ASIP: variants seen among roughly 807,000 people sequenced by gnomAD.
ASIP encodes the protein agouti signaling protein, also known as agouti-signaling protein.
In ASIP, 11 loss-of-function variants were observed where a neutral mutation model predicts 10.3. The ratio of observed to expected loss-of-function variants is 1.07; its 90% CI spans 0.68 to 1.78. ASIP has a LOEUF of 1.78. ASIP is among the 40% of genes most tolerant of loss of function. The pLI is 0.00. For missense variants in ASIP, 180 were observed against 169.2 expected (o/e 1.06, Z -0.35); for synonymous variants, 70 against 70.8 (o/e 0.99, Z 0.06).
At chr20:34,253,309 T>C (rs2035511140) in intron 1 of ASIP, among the ~76,000 whole-genome samples, 1 of 151,696 alleles carries the variant, frequency 6.6e-6, no homozygotes, top group Non-Finnish European at 1.5e-5. Context: ...GGTTTCACCA[T>C]GTTAGCCAGG....
At chr20:34,239,377 T>C (rs934101550), upstream of ASIP, among the ~76,000 whole-genome samples, 5 of 152,024 alleles carry the variant, frequency 3.3e-5, no homozygotes, top group Non-Finnish European at 5.9e-5. Context: ...CCACCACACC[T>C]GGCTATTTTT....
At chr20:34,189,283 C>T in the ASIP span, among the ~76,000 whole-genome samples, 1 of 151,906 alleles carries the variant, frequency 6.6e-6, no homozygotes, top group South Asian at 2.1e-4. Context: ...GCTCTTGTTG[C>T]CCAGGCTGGA....
chr20:34,253,873 C>T (rs1312449377), intron 1 of ASIP, among the ~76,000 whole-genome samples: 1 of 152,106 alleles, frequency 6.6e-6, no homozygotes, highest in Non-Finnish European at 1.5e-5. Flanking sequence ...TTCTTTTTAT[C>T]CACCATGCTG....
upstream of ASIP, among the ~76,000 whole-genome samples, chr20:34,240,149 G>A (rs1198297393): frequency 6.6e-6 from 1 of 152,108 alleles, no homozygotes; most frequent in African/African-American, 2.4e-5. Flanking sequence ...TGGAAAGAAG[G>A]GAAAAAAAGA....
intron 1 of ASIP, among the ~76,000 whole-genome samples, chr20:34,231,513 CAG>C (rs1256736815): frequency 1.4e-4 from 22 of 152,164 alleles, no homozygotes; most frequent in Non-Finnish European, 1.5e-5. Flanking sequence ...CAATCAATAA[CAG>C]AAACATTAAA....
At chr20:34,249,814 G>T (rs762892995) in intron 1 of ASIP, among the ~76,000 whole-genome samples, 11 of 152,186 alleles carry the variant, frequency 7.2e-5, no homozygotes, top group Admixed American at 5.2e-4. Flanking sequence ...CAGGGCCAGA[G>T]AACCCATTAT....
At chr20:34,225,434 A>G (rs1397055682) in intron 1 of ASIP, among the ~76,000 whole-genome samples, 1 of 151,346 alleles carries the variant, frequency 6.6e-6, no homozygotes, top group African/African-American at 2.4e-5. Context: ...AGTACCATAC[A>G]TTAAAATTAT....
chr20:34,225,891 A>C (rs2035089316), intron 1 of ASIP, among the ~76,000 whole-genome samples: 1 of 146,000 alleles, frequency 6.8e-6, no homozygotes, highest in South Asian at 2.3e-4. Context: ...ATGTGCACCT[A>C]CTTTTTTTTT....
intron 1 of ASIP, among the ~76,000 whole-genome samples, chr20:34,201,153 T>A (rs942129654): frequency 6.6e-6 from 1 of 151,960 alleles, no homozygotes; most frequent in African/African-American, 2.4e-5. Context: ...TTGGGATATT[T>A]TTTACTTCAC....
chr20:34,191,355 A>G (rs568403525), upstream of ASIP, among the ~76,000 whole-genome samples: 135 of 152,152 alleles, frequency 8.9e-4, no homozygotes, highest in African/African-American at 3.1e-3. Context: ...CCCTTTCTCC[A>G]GGTTTCTCTA....
chr20:34,227,458 C>T (rs1181334859), intron 1 of ASIP, among the ~76,000 whole-genome samples: 1 of 151,914 alleles, frequency 6.6e-6, no homozygotes, highest in Admixed American at 6.6e-5. Context: ...TGGTGAAACC[C>T]CATCTCTACT....
In ASIP at chr20:34,246,589, T is replaced by G. The variant is rs186922827; in HGVS notation, c.-11+5100T>G. 9.8e-6 allele frequency: 7 copies of G among 717,552 alleles called. No individual in the cohort carries two copies. The African/African-American group carries it at 1.0e-4, about 11-fold the overall frequency. The allele number at this position is 717,552 out of a possible 1,614,324, so 44.4% of individuals were successfully genotyped here. On this transcript the variant is annotated intron_variant, in intron 1 of 3. Transcript: ENST00000374954. Reference sequence around the variant, plus strand: ...AAGCAATCCTCCCACCTCAGCCTCCTAGGACCACAGGCACATGCCACCATG... The same window carrying G: ...AAGCAATCCTCCCACCTCAGCCTCCGAGGACCACAGGCACATGCCACCATG...
chr20:34,201,031 T>TCTTTCTTG, intron 1 of ASIP, among the ~76,000 whole-genome samples: 2 of 113,914 alleles, frequency 1.8e-5, no homozygotes, highest in Non-Finnish European at 3.8e-5. Context: ...TTTCTTTCTT[T>TCTTTCTTG]CTTTCTTTCT....
intron 1 of ASIP, chr20:34,246,356 T>C: frequency 1.3e-6 from 2 of 1,505,648 alleles, no homozygotes; most frequent in Non-Finnish European, 1.8e-6. Context: ...TGCAAGTTCA[T>C]TTAGAAAATT....
rs1157090191 is a variant in ASIP, at chr20:34,258,832, TTA to T, written c.-10-1524_-10-1523del. Among the ~76,000 whole-genome samples the T allele has an allele frequency of 2.7e-4, 32 of 120,306 alleles. 1 individual carries two copies. The highest frequency in any genetic ancestry group is 4.7e-4 in the South Asian group (2 of 4,220). The allele number at this position is 120,306 out of a possible 152,430, so 78.9% of individuals were successfully genotyped here. A position where few individuals can be genotyped will look rare whatever the true frequency, so the allele number is the denominator to read the frequency against. On this transcript the variant is annotated intron_variant, in intron 1 of 3. Coordinates refer to ENST00000374954, the MANE Select transcript of ASIP (RefSeq NM_001672.3). ...GATATATATAATACTATATATAGTA[TTA>T]TATATATAGTGTATATATAATATAT...
intron 1 of ASIP, chr20:34,213,553 G>A: frequency 6.5e-7 from 1 of 1,535,578 alleles, no homozygotes; most frequent in Non-Finnish European, 8.9e-7. Context: ...TTCAAAAATT[G>A]CATGAAGCAG....
chr20:34,218,981 C>T (rs147233345), intron 1 of ASIP, among the ~76,000 whole-genome samples: 1 of 152,126 alleles, frequency 6.6e-6, no homozygotes, highest in East Asian at 1.9e-4. Flanking sequence ...GCAATTTTAA[C>T]GTAACCCTCT....
chr20:34,246,335 A>G, intron 1 of ASIP: 1 of 1,546,628 alleles, frequency 6.5e-7, no homozygotes, highest in Non-Finnish European at 8.7e-7. Flanking sequence ...TGAATTTTCT[A>G]CAGTAAATTT....
chr20:34,213,367 G>C (rs928093684), intron 1 of ASIP: 15 of 580,846 alleles, frequency 2.6e-5, no homozygotes, highest in African/African-American at 2.0e-4. Context: ...AACAGTCTAA[G>C]ACAGAAAGTT....
Sources: gnomAD v4.1 joint callset for allele counts (sites outside exome capture counted in the v4.1 genomes callset) on GRCh38, gnomAD v4.1.1 for gene constraint, MANE v1.5 for transcripts, NCBI Gene and HGNC (gene_info 2026-07-23, HGNC 2026-07-21) for gene names.